Variants in ROR1 observed in about 807,000 individuals in gnomAD.
ROR1 encodes the protein ROR family WNT receptor 1, also known as inactive tyrosine-protein kinase transmembrane receptor ROR1.
ROR1 carries 19 observed loss-of-function variants against 78.8 expected under a neutral mutation model. That is an observed-to-expected ratio of 0.24 (90% CI 0.17 to 0.35). ROR1 has a LOEUF of 0.35. ROR1 is among the 10% of genes least tolerant of loss of function. The pLI is 1.00. For missense variants in ROR1, 917 were observed against 1,177.8 expected, an observed-to-expected ratio of 0.78 and a Z score of 3.24; for synonymous variants, 386 against 433.6, an observed-to-expected ratio of 0.89 and a Z score of 1.36.
intron 4 of ROR1, among the ~76,000 whole-genome samples, chr1:64,097,536 G>A (rs1192884326): frequency 1.3e-5 from 2 of 149,862 alleles, no homozygotes; most frequent in African/African-American, 4.9e-5. Flanking sequence ...TTGTATTTAT[G>A]CATTTTTGAA....
chr1:63,774,269 GT>G lies in ROR1; in HGVS notation c.-147del. Reference sequence around the variant, plus strand: ...CGGCCAGGCGGAGGCGAGGGAGCAGGTTAGAGGGACAAAGAGCTTTGCAGAC... The same window carrying G: ...CGGCCAGGCGGAGGCGAGGGAGCAGGTAGAGGGACAAAGAGCTTTGCAGAC... On this transcript the variant is annotated 5_prime_UTR_variant, in exon 1 of 9. Coordinates refer to ENST00000371079, the MANE Select transcript of ROR1 (RefSeq NM_005012.4). This position sits in a 1 kb window ranked among gnomAD's most constrained non-coding sequence, Gnocchi z 5.7. 1 of 373,214 alleles carries G rather than the reference GT, an allele frequency of 2.7e-6. No homozygotes were observed. The highest frequency in any genetic ancestry group is 3.6e-5 in the South Asian group (1 of 27,490). 23.1% of individuals were successfully genotyped at this position (373,214 alleles called of 1,614,324 possible). A position where few individuals can be genotyped will look rare whatever the true frequency, so the allele number is the denominator to read the frequency against.
At chr1:64,107,780 C>G (rs1036297100) in intron 4 of ROR1, among the ~76,000 whole-genome samples, 3 of 151,986 alleles carry the variant, frequency 2.0e-5, no homozygotes, top group East Asian at 3.9e-4. Context: ...GGCCTCACCT[C>G]TGACGTATTT....
intron 4 of ROR1, among the ~76,000 whole-genome samples, chr1:64,077,493 C>T (rs983670799): frequency 3.3e-5 from 5 of 152,250 alleles, no homozygotes; most frequent in Non-Finnish European, 4.4e-5. Context: ...GAAGCAGGCA[C>T]GTCCTCTGAT....
chr1:63,957,099 G>A (rs1379714703), intron 1 of ROR1, among the ~76,000 whole-genome samples: 3 of 152,166 alleles, frequency 2.0e-5, no homozygotes, highest in Non-Finnish European at 4.4e-5. Context: ...TATGGCTGGT[G>A]AACTTGTAGG....
chr1:63,849,359 C>T (rs527449208), intron 1 of ROR1, among the ~76,000 whole-genome samples: 1 of 152,254 alleles, frequency 6.6e-6, no homozygotes, highest in Admixed American at 6.5e-5. Flanking sequence ...ATGCCAAGCA[C>T]AGGGATGCAG....
In ROR1 at chr1:64,179,162, A is replaced by C; in HGVS notation, c.*307A>C. The C allele has an allele frequency of 3.9e-6, 1 of 254,710 alleles. No individual in the cohort carries two copies. The highest frequency in any genetic ancestry group is 7.5e-6 in the Non-Finnish European group (1 of 134,138). 15.8% of individuals were successfully genotyped at this position (254,710 alleles called of 1,614,324 possible). On this transcript the variant is annotated 3_prime_UTR_variant, in exon 9 of 9. Coordinates refer to ENST00000371079, the MANE Select transcript of ROR1 (RefSeq NM_005012.4). ...CTGCAAACCAGTGAAGAGGAAAAGA[A>C]CCTTGTGATTAAATATAAAACCAAA...
chr1:63,802,348 C>T (rs1212854871), intron 1 of ROR1, among the ~76,000 whole-genome samples: 4 of 151,918 alleles, frequency 2.6e-5, no homozygotes, highest in African/African-American at 4.8e-5. Flanking sequence ...GAGCCCTGCC[C>T]GATCTAGTGA....
At chr1:64,096,435 T>C (rs1647302522) in intron 4 of ROR1, among the ~76,000 whole-genome samples, 1 of 152,100 alleles carries the variant, frequency 6.6e-6, no homozygotes. Context: ...TTCTCCTCCA[T>C]GTGTCCATGT....
At chr1:63,927,907 A>G (rs560786862) in intron 1 of ROR1, among the ~76,000 whole-genome samples, 48 of 151,652 alleles carry the variant, frequency 3.2e-4, no homozygotes, top group African/African-American at 1.1e-3. Context: ...CTCACTATCC[A>G]TAGTCCTTTG....
At chr1:63,886,468 C>T (rs757715349) in intron 1 of ROR1, among the ~76,000 whole-genome samples, 3 of 152,120 alleles carry the variant, frequency 2.0e-5, no homozygotes, top group Non-Finnish European at 2.9e-5. Context: ...TTGCTACTTG[C>T]CAGGGATCCG....
chr1:64,163,255 AC>A (rs1649996150), intron 8 of ROR1, among the ~76,000 whole-genome samples: 2 of 151,194 alleles, frequency 1.3e-5, no homozygotes, highest in South Asian at 4.2e-4. Flanking sequence ...ACACACACAC[AC>A]ACACACACAC....
chr1:63,927,581 G>T (rs539641590), intron 1 of ROR1, among the ~76,000 whole-genome samples: 1 of 150,496 alleles, frequency 6.6e-6, no homozygotes, highest in African/African-American at 2.4e-5. Flanking sequence ...AAATAGAGTA[G>T]CCTCTCTGAA....
intron 1 of ROR1, among the ~76,000 whole-genome samples, chr1:63,973,592 A>G (rs1191630088): frequency 6.6e-6 from 1 of 152,204 alleles, no homozygotes; most frequent in Non-Finnish European, 1.5e-5. Flanking sequence ...CTCCTGCTTC[A>G]GGGACTAGTC....
intron 1 of ROR1, among the ~76,000 whole-genome samples, chr1:63,818,078 T>C (rs1439654500): frequency 6.6e-6 from 1 of 152,186 alleles, no homozygotes. Context: ...GTTTTGAGGA[T>C]GAGAATACTG....
intron 1 of ROR1, among the ~76,000 whole-genome samples, chr1:63,847,565 C>T (rs759523741): frequency 6.6e-6 from 1 of 152,062 alleles, no homozygotes; most frequent in Non-Finnish European, 1.5e-5. Context: ...GCCATGCTGG[C>T]GTCTCTGTGC....
At chr1:64,103,700 C>G (rs928244805) in intron 4 of ROR1, among the ~76,000 whole-genome samples, 2 of 152,040 alleles carry the variant, frequency 1.3e-5, no homozygotes, top group African/African-American at 4.8e-5. Flanking sequence ...ACTGTGGACA[C>G]TGTTAATTTT....
chr1:64,084,874 T>C (rs1275268469), intron 4 of ROR1, among the ~76,000 whole-genome samples: 1 of 152,184 alleles, frequency 6.6e-6, no homozygotes, highest in Non-Finnish European at 1.5e-5. Context: ...TGCTAGCTGT[T>C]GGCTTCCAGG....
At chr1:63,999,059 T>G (rs1395137287) in intron 1 of ROR1, among the ~76,000 whole-genome samples, 2 of 152,232 alleles carry the variant, frequency 1.3e-5, no homozygotes, top group South Asian at 2.1e-4. Flanking sequence ...GTGAGTCCAT[T>G]AAACCTGTTT....
At chr1:64,046,570 C>T (rs966569676) in intron 2 of ROR1, among the ~76,000 whole-genome samples, 1 of 152,142 alleles carries the variant, frequency 6.6e-6, no homozygotes, top group African/African-American at 2.4e-5. Flanking sequence ...GGAGGGAAAC[C>T]AGAAAGAACA....
Sources: allele counts gnomAD v4.1 joint callset (sites outside exome capture counted in the v4.1 genomes callset), GRCh38; gene constraint gnomAD v4.1.1; non-coding constraint Gnocchi (gnomAD v3.1); transcripts MANE v1.5; gene names NCBI Gene and HGNC (gene_info 2026-07-23, HGNC 2026-07-21).